The following ANKK1 variants were observed in gnomAD, a reference collection of about 807,000 sequenced individuals.
ANKK1 encodes ankyrin repeat and kinase domain containing 1, also known as ankyrin repeat and protein kinase domain-containing protein 1.
A neutral mutation model predicts 37.6 loss-of-function variants in ANKK1; 37 were observed. The ratio of observed to expected loss-of-function variants is 0.98; its 90% CI spans 0.76 to 1.29. The LOEUF is 1.29. ANKK1 is among the 50% of genes most tolerant of loss of function. The pLI is 0.00. For missense variants in ANKK1, 1,019 were observed against 990.6 expected (o/e 1.03, Z -0.39); for synonymous variants, 415 against 418.7 (o/e 0.99, Z 0.11).
At chr11:113,388,312 G>A (rs562162745) in intron 1 of ANKK1, among the ~76,000 whole-genome samples, 1 of 152,294 alleles carries the variant, frequency 6.6e-6, no homozygotes, top group East Asian at 1.9e-4. Flanking sequence ...AAGGCAAGCG[G>A]GAACTACCTA....
At chr11:113,397,906 G>A (rs1950652009) in intron 6 of ANKK1, 74 bp from the exon 7 acceptor site, 1 of 1,492,870 alleles carries the variant, frequency 6.7e-7, no homozygotes, top group African/African-American at 1.4e-5. Context: ...TGGAGAGAGG[G>A]AAGGAGGGGA....
At chr11:113,392,861 C>T (rs576190855) in intron 1 of ANKK1, among the ~76,000 whole-genome samples, 2 of 152,002 alleles carry the variant, frequency 1.3e-5, no homozygotes, top group African/African-American at 2.4e-5. Flanking sequence ...GGGAAGTGCT[C>T]GTGCTCCACA....
At chr11:113,397,403 T>C in intron 6 of ANKK1, 61 bp downstream of exon 6, 2 of 1,403,672 alleles carry the variant, frequency 1.4e-6, no homozygotes, top group South Asian at 1.2e-5. Context: ...CTGTGTGGAC[T>C]GTTGTGATCT....
In ANKK1 at chr11:113,394,929, A is replaced by G; in HGVS notation, c.481A>G (p.Ile161Val). 6.2e-7 allele frequency: 1 copy of G among 1,605,312 alleles called. No individual in the cohort carries two copies. Among genetic ancestry groups the G allele is most frequent in the East Asian group, 2.2e-5 (1 of 44,662 alleles). The change falls in exon 3 of 8, where the codon ATT becomes GTT. Residue 161 changes from isoleucine (I) to valine (V), a missense_variant and splice_region_variant. Transcript: ENST00000303941. The stretch of plus-strand genomic sequence containing the variant: ...TATCTCTGCCCCTGCCTTCTCCCAG[A>G]TTTCAGACTTCGGCCTGTCCAAGTG... ...ILLDSNMHVK[I>V]SDFGLSKWME... is the part of the protein sequence containing the mutation.
chr11:113,395,005 G>A lies in ANKK1; in HGVS notation c.557G>A (p.Gly186Asp), dbSNP rs1182716953. The A allele has an allele frequency of 4.3e-6, 7 of 1,613,094 alleles. No individual in the cohort carries two copies. The highest frequency in any genetic ancestry group is 5.9e-6 in the Non-Finnish European group (7 of 1,179,586). The change falls in exon 3 of 8, where the codon GGC (glycine) becomes GAC (aspartate). Residue 186 changes from glycine (G) to aspartate (D), a missense_variant. By Grantham distance (94) the Gly-to-Asp change is moderately conservative (BLOSUM62 -1). Coordinates refer to ENST00000303941, the MANE Select transcript of ANKK1 (RefSeq NM_178510.2). ...TACATCGAGAGGTCGGCTCTGCGGGGCATGCTCAGCTACATCCCCCCTGAG... is the reference window on the plus strand; with the variant it reads ...TACATCGAGAGGTCGGCTCTGCGGGACATGCTCAGCTACATCCCCCCTGAG... ...MQYIERSALR[G>D]MLSYIPPEMF...
At chr11:113,398,316 A>T (rs78294376) in intron 7 of ANKK1, among the ~76,000 whole-genome samples, 82 of 24,376 alleles carry the variant, frequency 3.4e-3, no homozygotes, top group Non-Finnish European at 6.9e-3. Context: ...CGGGAAATTA[A>T]AAAAAAAAAA....
chr11:113,396,597 C>T (rs1950641248), intron 5 of ANKK1, among the ~76,000 whole-genome samples: 1 of 152,088 alleles, frequency 6.6e-6, no homozygotes, highest in Non-Finnish European at 1.5e-5. Flanking sequence ...GCCTCATCCT[C>T]CCAAAGTGCT....
chr11:113,399,077 G>T lies in ANKK1; in HGVS notation c.1108G>T (p.Val370Leu), dbSNP rs1318906423. Reference protein sequence around the residue: ...ENKVTPLHFLVAQGSVEQVRL... With the variant: ...ENKVTPLHFLLAQGSVEQVRL... ...CAAGGTCACCCCCCTCCACTTCCTG[G>T]TGGCCCAGGGCAGTGTGGAGCAGGT... The change falls in exon 8 of 8, where the codon GTG (valine) becomes TTG (leucine). Residue 370 changes from valine to leucine, a missense_variant. Physicochemically the swap from Val to Leu is conservative, Grantham distance 32 (BLOSUM62 1). Coordinates refer to ENST00000303941, the MANE Select transcript of ANKK1 (RefSeq NM_178510.2). 5.0e-6 allele frequency: 8 copies of T among 1,600,000 alleles called. No homozygotes were observed. Among genetic ancestry groups the T allele is most frequent in the Non-Finnish European group, 6.8e-6 (8 of 1,173,380 alleles).
chr11:113,399,137 T>A lies in ANKK1; in HGVS notation c.1168T>A (p.Cys390Ser). Reference sequence around the variant, plus strand: ...GCTGGCCCACGAGGTAGACGTGGACTGCCAGACGGCCTCTGGATACACGCC... The same window carrying A: ...GCTGGCCCACGAGGTAGACGTGGACAGCCAGACGGCCTCTGGATACACGCC... Reference protein sequence around the residue: ...LLLAHEVDVDCQTASGYTPLL... With the variant: ...LLLAHEVDVDSQTASGYTPLL... The change falls in exon 8 of 8, where the codon TGC (cysteine) becomes AGC (serine). Residue 390 changes from cysteine to serine, a missense_variant. By Grantham distance (112) the Cys-to-Ser change is moderately radical. Transcript: ENST00000303941. The A allele has an allele frequency of 6.3e-7, 1 of 1,594,878 alleles. No homozygotes were observed. The highest frequency in any genetic ancestry group is 8.5e-7 in the Non-Finnish European group (1 of 1,170,982).
chr11:113,399,803 C>A lies in ANKK1; in HGVS notation c.1834C>A (p.Leu612Met). The A allele has an allele frequency of 1.2e-6, 2 of 1,604,052 alleles. No homozygotes were observed. Among genetic ancestry groups the A allele is most frequent in the South Asian group, 1.1e-5 (1 of 89,490 alleles). ...YKGHLEIIHL[L>M]AESHANMGAL... The stretch of plus-strand genomic sequence containing the variant: ...GGGCCACCTGGAGATCATCCATCTG[C>A]TGGCAGAGAGCCACGCAAACATGGG... Residue 612 changes from leucine to methionine, a missense_variant, in exon 8 of 8, where the codon CTG becomes ATG. Physicochemically the swap from Leu to Met is conservative, Grantham distance 15. Transcript: ENST00000303941.
intron 6 of ANKK1, 73 bp from the exon 7 acceptor site, chr11:113,397,907 A>AAGGAGGGG: frequency 2.0e-6 from 3 of 1,494,460 alleles, no homozygotes; most frequent in African/African-American, 1.4e-5. Context: ...GGAGAGAGGG[A>AAGGAGGGG]AGGAGGGGAG....
chr11:113,390,704 C>T (rs1950580578), intron 1 of ANKK1, among the ~76,000 whole-genome samples: 1 of 145,526 alleles, frequency 6.9e-6, no homozygotes, highest in Non-Finnish European at 1.5e-5. Flanking sequence ...CATTGCACTC[C>T]AGCCTGGGCA....
At position 113,388,077 on chromosome 11, in the gene ANKK1, C is replaced by A; in HGVS notation, c.185+8C>A. On this transcript the variant is annotated splice_region_variant and intron_variant, in intron 1 of 7. Transcript: ENST00000303941. ...TCCACCCGACGCCGCCAGGTACTGC[C>A]AGCCTCGCCCTCCCCTTTCTCGGAG... 6.8e-7 allele frequency: 1 copy of A among 1,473,480 alleles called. No homozygotes were observed. Among genetic ancestry groups the A allele is most frequent in the Non-Finnish European group, 9.0e-7 (1 of 1,109,726 alleles). The allele number at this position is 1,473,480 out of a possible 1,614,324, so 91.3% of individuals were successfully genotyped here.
chr11:113,390,935 A>G (rs1950582633), intron 1 of ANKK1, among the ~76,000 whole-genome samples: 3 of 152,210 alleles, frequency 2.0e-5, no homozygotes, highest in Admixed American at 6.5e-5. Flanking sequence ...AATATCTAAG[A>G]AGGGTTGAGA....
chr11:113,388,683 T>C (rs1253288391), intron 1 of ANKK1, among the ~76,000 whole-genome samples: 1 of 152,250 alleles, frequency 6.6e-6, no homozygotes, highest in Non-Finnish European at 1.5e-5. Flanking sequence ...TTTTTGTCCC[T>C]TGCTGTCATG....
intron 4 of ANKK1, 29 bp downstream of exon 4, chr11:113,395,437 G>A: frequency 6.2e-7 from 1 of 1,612,506 alleles, no homozygotes; most frequent in Non-Finnish European, 8.5e-7. Context: ...CTCTGTGTTG[G>A]GGGCAGGAGG....
chr11:113,395,244 C>A, intron 3 of ANKK1, 115 bp from the exon 4 acceptor site: 2 of 1,509,752 alleles, frequency 1.3e-6, no homozygotes, highest in Non-Finnish European at 1.8e-6. Context: ...GTACTTTGGC[C>A]GGTGAGGCTT....
Position 113,391,317 on chromosome 11 carries a change from C to T in ANKK1, c.186-2164C>T, listed in dbSNP as rs549933881. ...GACAAATCTTGTAGGACTTTCTCAGCCATGAAAGAACTTTGGCTTTTACTG... is the reference window on the plus strand; with the variant it reads ...GACAAATCTTGTAGGACTTTCTCAGTCATGAAAGAACTTTGGCTTTTACTG... On this transcript the variant is annotated intron_variant, in intron 1 of 7. Transcript: ENST00000303941. Among the ~76,000 whole-genome samples, 12 of 152,272 alleles carry T rather than the reference C, an allele frequency of 7.9e-5. 1 individual carries two copies. In the South Asian group the frequency reaches 2.5e-3, roughly 32 times the overall value.
rs768742229 is a variant in ANKK1 at position 113,399,410 on chromosome 11, G to T, written c.1441G>T (p.Val481Phe). 2 of 1,600,530 alleles carry T rather than the reference G, an allele frequency of 1.2e-6. No homozygotes were observed. Among genetic ancestry groups the T allele is most frequent in the Non-Finnish European group, 1.7e-6 (2 of 1,173,984 alleles). Residue 481 changes from valine (V) to phenylalanine (F), a missense_variant, in exon 8 of 8, where the codon GTC (valine) becomes TTC (phenylalanine). Val to Phe is a conservative substitution (Grantham distance 50, BLOSUM62 -1). Transcript: ENST00000303941. The part of the protein sequence containing the change: ...NNFENVARLL[V>F]SRQADPNLHE... The stretch of plus-strand genomic sequence containing the variant: ...CTTTGAGAATGTGGCACGGCTTCTG[G>T]TCTCCCGTCAGGCTGACCCCAACCT...
Sources: gnomAD v4.1 joint callset for allele counts (sites outside exome capture counted in the v4.1 genomes callset) on GRCh38, gnomAD v4.1.1 for gene constraint, MANE v1.5 for transcripts, NCBI Gene and HGNC (gene_info 2026-07-23, HGNC 2026-07-21) for gene names.